Variants in SV2A observed in about 807,000 individuals in gnomAD.
SV2A encodes solute carrier family 22 member B1.
SV2A carries 25 observed loss-of-function variants against 78.0 expected under a neutral mutation model. That is an observed-to-expected ratio of 0.32 (90% CI 0.23 to 0.45). SV2A has a LOEUF of 0.45. SV2A is among the 20% of genes least tolerant of loss of function. SV2A has a pLI of 1.00. For synonymous variants in SV2A, 355 were observed against 384.7 expected, an observed-to-expected ratio of 0.92 and a Z score of 0.90; for missense variants, 752 against 971.5, an observed-to-expected ratio of 0.77 and a Z score of 3.00.
Position 149,905,886 on chromosome 1 carries a change from T to C in SV2A, c.2039A>G (p.Asp680Gly). 2 of 1,614,064 alleles carry C rather than the reference T, an allele frequency of 1.2e-6. No homozygotes were observed. Among genetic ancestry groups the C allele is most frequent in the Non-Finnish European group, 1.7e-6 (2 of 1,180,012 alleles). Residue 680 changes from aspartate (D) to glycine (G), a missense_variant, in exon 12 of 13, where the codon GAC becomes GGC. This residue lies in a region of SV2A where 186 missense variants were observed against 274.6 expected (regional missense o/e 0.68). Coordinates refer to ENST00000369146, the MANE Select transcript of SV2A (RefSeq NM_014849.5). ...DVLTVELYPS[D>G]KRTTAFGFLN... ...TCCAACACATTCCAACTACCTCTTG[T>C]CTGAGGGGTAGAGTTCAACAGTCAA...
Position 149,905,135 on chromosome 1 carries a change from A to G in SV2A, c.2108T>C (p.Ile703Thr). 6.2e-7 allele frequency: 1 copy of G among 1,612,592 alleles called. No homozygotes were observed. Among genetic ancestry groups the G allele is most frequent in the Non-Finnish European group, 8.5e-7 (1 of 1,179,416 alleles). Residue 703 changes from isoleucine (I) to threonine (T), a missense_variant, in exon 13 of 13, where the codon ATC becomes ACC. Around this residue, in one of 7 missense-constraint regions of SV2A, gnomAD observed 186 missense variants for 274.6 expected, o/e 0.68. Transcript: ENST00000369146. The stretch of plus-strand genomic sequence containing the variant: ...GGTGATTCCCACGAAGGATGTGAAG[A>G]TGCTGATCCCCAGCACAGCTGCCAG... ...CKLAAVLGIS[I>T]FTSFVGITKA...
At chr1:149,915,407 G>A (rs1553764422) in intron 1 of SV2A, among the ~76,000 whole-genome samples, 2 of 152,248 alleles carry the variant, frequency 1.3e-5, no homozygotes, top group South Asian at 2.1e-4. Context: ...AAGAACAAGG[G>A]AAGATCCAGA....
Position 149,905,723 on chromosome 1 carries a change from A to C in SV2A, c.2045+157T>G, listed in dbSNP as rs958975959. The C allele has an allele frequency of 4.6e-5, 47 of 1,017,906 alleles. No homozygotes were observed. The South Asian group carries it at 7.2e-4, about 16-fold the overall frequency. 63.1% of individuals were successfully genotyped at this position (1,017,906 alleles called of 1,614,324 possible). ...CTCCCAAAGCACTGGGATTACAGGCATGAGTCACCGTGCCCGGCCAAAGCT... is the reference window on the plus strand; with the variant it reads ...CTCCCAAAGCACTGGGATTACAGGCCTGAGTCACCGTGCCCGGCCAAAGCT... On this transcript the variant is annotated intron_variant, in intron 12 of 12. Coordinates refer to ENST00000369146, the MANE Select transcript of SV2A (RefSeq NM_014849.5).
At position 149,913,555 on chromosome 1, in the gene SV2A, C is replaced by G; in HGVS notation, c.286G>C (p.Gly96Arg). ...GCCCGGGGAATGCCCTGATATTCCC[C>G]TTCATAGATCTCATCATCCTCGTCA... The part of the protein sequence containing the change: ...GHDEDDEIYE[G>R]EYQGIPRAES... The change falls in exon 2 of 13, where the codon GGG (glycine) becomes CGG (arginine). Residue 96 changes from glycine to arginine, a missense_variant. This residue lies in a region of SV2A where 291 missense variants were observed against 359.5 expected (regional missense o/e 0.81). Coordinates refer to ENST00000369146, the MANE Select transcript of SV2A (RefSeq NM_014849.5). The G allele has an allele frequency of 6.2e-7, 1 of 1,614,020 alleles. No homozygotes were observed. The highest frequency in any genetic ancestry group is 8.5e-7 in the Non-Finnish European group (1 of 1,180,004).
intron 5 of SV2A, 52 bp from the exon 6 acceptor site, chr1:149,909,942 G>C: frequency 9.0e-6 from 14 of 1,561,592 alleles, no homozygotes; most frequent in African/African-American, 1.4e-5. Context: ...ACCTGACCCA[G>C]AGTTATAGAC....
intron 1 of SV2A, among the ~76,000 whole-genome samples, chr1:149,915,020 C>T (rs1204463829): frequency 6.6e-6 from 1 of 152,102 alleles, no homozygotes; most frequent in East Asian, 1.9e-4. Flanking sequence ...CAAGGAGAAT[C>T]CTGGTTCAGG....
chr1:149,909,429 T>C (rs1236503817), intron 7 of SV2A, 32 bp downstream of exon 7: 10 of 1,587,028 alleles, frequency 6.3e-6, no homozygotes, highest in Non-Finnish European at 8.6e-6. Context: ...CTTCCCCCAC[T>C]CCCTTCTATC....
At position 149,914,039 on chromosome 1, in the gene SV2A, G is replaced by T; in HGVS notation, c.-199C>A. On this transcript the variant is annotated 5_prime_UTR_variant, in exon 2 of 13. Coordinates refer to ENST00000369146, the MANE Select transcript of SV2A (RefSeq NM_014849.5). Reference sequence around the variant, plus strand: ...CTAGGAAGGAAAAGGAAGGAGAGGAGCTTTGACCTATACCCAGTTCAGTTG... The same window carrying T: ...CTAGGAAGGAAAAGGAAGGAGAGGATCTTTGACCTATACCCAGTTCAGTTG... 2 of 764,580 alleles carry T rather than the reference G, an allele frequency of 2.6e-6. No homozygotes were observed. Among genetic ancestry groups the T allele is most frequent in the Non-Finnish European group, 4.0e-6 (2 of 496,954 alleles). 47.4% of individuals were successfully genotyped at this position (764,580 alleles called of 1,614,324 possible). A position where few individuals can be genotyped will look rare whatever the true frequency, so the allele number is the denominator to read the frequency against.
At chr1:149,911,688 C>A in intron 3 of SV2A, 112 bp downstream of exon 3, 1 of 1,123,162 alleles carries the variant, frequency 8.9e-7, no homozygotes, top group Non-Finnish European at 1.3e-6. Context: ...CCGTTCAACT[C>A]ACACAGATTT....
In SV2A at chr1:149,908,063, C is replaced by T; in HGVS notation, c.1523G>A (p.Gly508Asp). 6.2e-7 allele frequency: 1 copy of T among 1,614,152 alleles called. No individual in the cohort carries two copies. The highest frequency in any genetic ancestry group is 8.5e-7 in the Non-Finnish European group (1 of 1,180,008). ...NFTLENQIHR[G>D]GQYFNDKFIG... ...ATACTTGTCATTGAAGTACTGCCCGCCTCGGTGGATCTGATTCTCCAACGT... is the reference window on the plus strand; with the variant it reads ...ATACTTGTCATTGAAGTACTGCCCGTCTCGGTGGATCTGATTCTCCAACGT... Residue 508 changes from glycine (G) to aspartate (D), a missense_variant, in exon 9 of 13, where the codon GGC becomes GAC. Physicochemically the swap from Gly to Asp is moderately conservative, Grantham distance 94. Transcript: ENST00000369146.
chr1:149,912,797 A>T (rs1227956951), intron 2 of SV2A, among the ~76,000 whole-genome samples: 1 of 69,672 alleles, frequency 1.4e-5, no homozygotes, highest in African/African-American at 5.2e-5. Context: ...CCCCTCCCCC[A>T]ACCACCCCAA....
chr1:149,915,175 C>T (rs2101627659), intron 1 of SV2A, among the ~76,000 whole-genome samples: 1 of 152,248 alleles, frequency 6.6e-6, no homozygotes, highest in Middle Eastern at 3.4e-3. Flanking sequence ...GAGACTGTTT[C>T]TTGGAGTTGA....
At position 149,906,630 on chromosome 1, in the gene SV2A, A is replaced by C. The variant is rs2101613176; in HGVS notation, c.1885+20T>G. ...CCCCTGGCCCCTACTATCAGATCTG[A>C]CTCAGCCTCTCCCCCTTACCAAGCA... On this transcript the variant is annotated intron_variant, in intron 11 of 12. Coordinates refer to ENST00000369146, the MANE Select transcript of SV2A (RefSeq NM_014849.5). The C allele has an allele frequency of 6.2e-7, 1 of 1,613,128 alleles. No individual in the cohort carries two copies. Among genetic ancestry groups the C allele is most frequent in the Non-Finnish European group, 8.5e-7 (1 of 1,179,620 alleles).
chr1:149,912,901 G>A (rs1311970684), intron 2 of SV2A, among the ~76,000 whole-genome samples: 1 of 151,350 alleles, frequency 6.6e-6, no homozygotes, highest in African/African-American at 2.4e-5. Context: ...GGAAAGCTAT[G>A]AAGAAACATT....
chr1:149,909,087 C>A (rs2092458052), intron 8 of SV2A, 105 bp downstream of exon 8: 1 of 1,120,098 alleles, frequency 8.9e-7, no homozygotes, highest in Non-Finnish European at 1.3e-6. Context: ...CTGCATGGCA[C>A]CTTCCCTCAT....
At position 149,914,062 on chromosome 1, in the gene SV2A, T is replaced by C. The variant is rs1367469402; in HGVS notation, c.-222A>G. ...GAGCTTTGACCTATACCCAGTTCAGTTGGGTGGATGGGGAAGGGACAGGGG... is the reference window on the plus strand; with the variant it reads ...GAGCTTTGACCTATACCCAGTTCAGCTGGGTGGATGGGGAAGGGACAGGGG... On this transcript the variant is annotated 5_prime_UTR_variant, in exon 2 of 13. Transcript: ENST00000369146. The C allele has an allele frequency of 7.1e-6, 4 of 564,648 alleles. No individual in the cohort carries two copies. Among genetic ancestry groups the C allele is most frequent in the South Asian group, 7.2e-5 (2 of 27,900 alleles). 35.0% of individuals were successfully genotyped at this position (564,648 alleles called of 1,614,324 possible). A position where few individuals can be genotyped will look rare whatever the true frequency, so the allele number is the denominator to read the frequency against.
Position 149,913,664 on chromosome 1 carries a change from A to T in SV2A, c.177T>A (p.Pro59=), listed in dbSNP as rs1553764147. Residue 59 remains proline, a synonymous_variant, in exon 2 of 13, where the codon CCT becomes CCA. Coordinates refer to ENST00000369146, the MANE Select transcript of SV2A (RefSeq NM_014849.5). ...FEEEDDDDDF[P]APSDGYYRGE... ...CTCGGTAATAACCATCACTGGGAGCAGGGAAGTCATCATCATCATCCTCCT... is the reference window on the plus strand; with the variant it reads ...CTCGGTAATAACCATCACTGGGAGCTGGGAAGTCATCATCATCATCCTCCT... 1 of 1,614,164 alleles carries T rather than the reference A, an allele frequency of 6.2e-7. No homozygotes were observed. The highest frequency in any genetic ancestry group is 8.5e-7 in the Non-Finnish European group (1 of 1,180,032).
chr1:149,913,950 T>A lies in SV2A; in HGVS notation c.-110A>T, dbSNP rs3754045. 982 of 1,471,920 alleles carry A rather than the reference T, an allele frequency of 6.7e-4. 17 individuals are homozygous for A. In the East Asian group the frequency reaches 0.021, roughly 31 times the overall value. The allele number at this position is 1,471,920 out of a possible 1,614,324, so 91.2% of individuals were successfully genotyped here. On this transcript the variant is annotated 5_prime_UTR_variant, in exon 2 of 13. Transcript: ENST00000369146. ...AGACCCCTCCCCACAGTTACTTAGA[T>A]GAAGCGTGTTCCAGTATCTCTGGGC...
At chr1:149,908,804 A>AT (rs2092455857) in intron 8 of SV2A, among the ~76,000 whole-genome samples, 1 of 151,646 alleles carries the variant, frequency 6.6e-6, no homozygotes, top group Admixed American at 6.6e-5. Context: ...TGCCCGGCTA[A>AT]TTTTTTGTAT....
Sources: allele counts gnomAD v4.1 joint callset (sites outside exome capture counted in the v4.1 genomes callset), GRCh38; gene constraint gnomAD v4.1.1; regional missense constraint gnomAD v4.1.1; transcripts MANE v1.5; gene names NCBI Gene and HGNC (gene_info 2026-07-23, HGNC 2026-07-21).